PRR16: variants seen among roughly 807,000 people sequenced by gnomAD.
PRR16 encodes the protein proline rich 16.
Under a neutral mutation model 18.2 loss-of-function variants are expected in PRR16, and 6 were observed. The ratio of observed to expected loss-of-function variants is 0.33; its 90% confidence interval spans 0.18 to 0.65. The LOEUF (loss-of-function observed/expected upper bound fraction) is 0.65, where lower values mean the gene tolerates loss of function less well. Ranked by LOEUF, PRR16 falls within the 30% of genes least tolerant of loss-of-function variation. PRR16 has a pLI of 0.74. For synonymous variants in PRR16, 151 were observed against 147.8 expected, an observed-to-expected ratio of 1.02 and a Z score of -0.16; for missense variants, 412 against 376.6, an observed-to-expected ratio of 1.09 and a Z score of -0.78.
At chr5:120,594,278 C>T (rs1753732436) in intron 1 of PRR16, among the ~76,000 whole-genome samples, 1 of 150,776 alleles carries the variant, frequency 6.6e-6, no homozygotes. Context: ...ACAAGATCAA[C>T]GTCCAAAGTC....
At chr5:120,555,831 A>C (rs1297504528) in intron 1 of PRR16, among the ~76,000 whole-genome samples, 1 of 147,212 alleles carries the variant, frequency 6.8e-6, no homozygotes, top group African/African-American at 2.5e-5. Context: ...TGAGTTTCTA[A>C]AAAAAAAAAA....
At chr5:120,678,925 A>T (rs1254994778) in intron 1 of PRR16, among the ~76,000 whole-genome samples, 1 of 152,172 alleles carries the variant, frequency 6.6e-6, no homozygotes, top group Non-Finnish European at 1.5e-5. Context: ...AACTTAGATT[A>T]TATAATTATT....
At chr5:120,556,233 G>T (rs1040650363) in intron 1 of PRR16, among the ~76,000 whole-genome samples, 243 of 121,514 alleles carry the variant, frequency 2.0e-3, no homozygotes, top group Middle Eastern at 4.5e-3. Context: ...CAATTTCATT[G>T]TTTTTTTTTT....
At chr5:120,697,890 T>C in the PRR16 span, among the ~76,000 whole-genome samples, 2 of 152,074 alleles carry the variant, frequency 1.3e-5, no homozygotes, top group African/African-American at 4.8e-5. Context: ...GTATTTACAC[T>C]TCTTTTGTGG....
At chr5:120,752,348 G>T in the PRR16 span, among the ~76,000 whole-genome samples, 2 of 152,018 alleles carry the variant, frequency 1.3e-5, no homozygotes, top group Non-Finnish European at 2.9e-5. Flanking sequence ...GATAATGCGG[G>T]CCTGAGGAAA....
chr5:120,712,854 A>G, the PRR16 span, among the ~76,000 whole-genome samples: 1 of 152,284 alleles, frequency 6.6e-6, no homozygotes, highest in Admixed American at 6.5e-5. Flanking sequence ...AGAAAAGGGA[A>G]CCTTTGCACA....
At chr5:120,547,288 C>T (rs188323593) in intron 1 of PRR16, among the ~76,000 whole-genome samples, 252 of 152,204 alleles carry the variant, frequency 1.7e-3, no homozygotes, top group Non-Finnish European at 2.8e-3. Context: ...AACCATTATC[C>T]ATTTCCAAGG....
At position 120,636,858 on chromosome 5, in the gene PRR16, C is replaced by T. The variant is rs573186949; in HGVS notation, c.160-49096C>T. On this transcript the variant is annotated intron_variant, in intron 1 of 1. Transcript: ENST00000407149. ...ATCAGCAGAGTCAACAGCCAACCCA[C>T]AGAGTGAGAGAAAAATCTTCACAAT... 5.3e-5 allele frequency among the ~76,000 whole-genome samples: 8 copies of T among 152,156 alleles called. No homozygotes were observed. The South Asian group carries it at 1.7e-3, about 32-fold the overall frequency.
intron 1 of PRR16, among the ~76,000 whole-genome samples, chr5:120,534,054 G>C (rs1276723152): frequency 1.3e-5 from 2 of 152,156 alleles, no homozygotes; most frequent in African/African-American, 4.8e-5. Flanking sequence ...TAAATCAGGA[G>C]TTCAGGTTTT....
At chr5:120,669,790 A>T (rs930726599) in intron 1 of PRR16, among the ~76,000 whole-genome samples, 2 of 152,102 alleles carry the variant, frequency 1.3e-5, no homozygotes, top group East Asian at 3.9e-4. Flanking sequence ...TTTTACATTC[A>T]CAACGTAAAA....
At chr5:120,710,101 G>C in the PRR16 span, among the ~76,000 whole-genome samples, 2 of 152,060 alleles carry the variant, frequency 1.3e-5, no homozygotes, top group Non-Finnish European at 2.9e-5. Context: ...AACAGTGTAT[G>C]AGCTTTCCCC....
At chr5:120,560,474 C>T (rs1253639319) in intron 1 of PRR16, among the ~76,000 whole-genome samples, 1 of 151,772 alleles carries the variant, frequency 6.6e-6, no homozygotes, top group African/African-American at 2.4e-5. Context: ...CTTTGTGTCC[C>T]TGGAGTAAGT....
intron 1 of PRR16, among the ~76,000 whole-genome samples, chr5:120,664,581 A>C (rs1248371588): frequency 6.6e-6 from 1 of 151,918 alleles, no homozygotes; most frequent in East Asian, 1.9e-4. Flanking sequence ...AGCATTAGGT[A>C]TATCTCCTAA....
intron 1 of PRR16, among the ~76,000 whole-genome samples, chr5:120,624,927 C>A (rs1030773635): frequency 6.6e-6 from 1 of 151,982 alleles, no homozygotes; most frequent in Non-Finnish European, 1.5e-5. Context: ...GGAGAGGTTC[C>A]CTGCGCAAGC....
chr5:120,637,178 G>C (rs1755256266), intron 1 of PRR16, among the ~76,000 whole-genome samples: 1 of 152,000 alleles, frequency 6.6e-6, no homozygotes, highest in Admixed American at 6.6e-5. Flanking sequence ...ATTTTAAACT[G>C]TTGTTGGTAA....
the PRR16 span, among the ~76,000 whole-genome samples, chr5:120,760,452 C>T: frequency 6.6e-6 from 1 of 151,932 alleles, no homozygotes; most frequent in Non-Finnish European, 1.5e-5. Flanking sequence ...AAGCATATTC[C>T]AGGTATCATA....
At chr5:120,493,278 G>A (rs1750128417) in intron 1 of PRR16, among the ~76,000 whole-genome samples, 1 of 152,010 alleles carries the variant, frequency 6.6e-6, no homozygotes, top group South Asian at 2.1e-4. Flanking sequence ...GTATATCATT[G>A]TGGTTTTATT....
intron 1 of PRR16, among the ~76,000 whole-genome samples, chr5:120,640,005 C>G (rs555536450): frequency 1.3e-5 from 2 of 151,912 alleles, no homozygotes; most frequent in Non-Finnish European, 2.9e-5. Flanking sequence ...ATAGATGCAC[C>G]TGGAGGCCAT....
intron 1 of PRR16, among the ~76,000 whole-genome samples, chr5:120,596,991 T>C (rs1753834712): frequency 6.6e-6 from 1 of 151,758 alleles, no homozygotes; most frequent in Admixed American, 6.6e-5. Context: ...TTTATTTATC[T>C]ACTCACCTGT....
Sources: allele counts gnomAD v4.1 joint callset (sites outside exome capture counted in the v4.1 genomes callset), GRCh38; gene constraint gnomAD v4.1.1; transcripts MANE v1.5; gene names NCBI Gene and HGNC (gene_info 2026-07-23, HGNC 2026-07-21).